RBFOX1: variants seen among roughly 807,000 people sequenced by gnomAD.
RBFOX1 encodes RNA binding fox-1 homolog 1, also known as RNA binding protein fox-1 homolog 1.
Under a neutral mutation model 57.7 loss-of-function variants are expected in RBFOX1, and 8 were observed. The observed-to-expected ratio is 0.14, with a 90% CI of 0.08 to 0.25. The LOEUF is 0.25. Among genes scored for constraint, RBFOX1 ranks in the 10% least tolerant of loss-of-function variants. The pLI is 1.00. For missense variants in RBFOX1, 611 were observed against 548.5 expected, an observed-to-expected ratio of 1.11 and a Z score of -1.14; for synonymous variants, 326 against 222.4, an observed-to-expected ratio of 1.47 and a Z score of -4.15.
At chr16:6,741,600 T>A (rs73543683) in intron 3 of RBFOX1, among the ~76,000 whole-genome samples, 13,423 of 147,440 alleles carry the variant, frequency 0.091, 725 homozygotes, top group East Asian at 0.17. Flanking sequence ...ACTGCGGAGG[T>A]GGAGGTTGCG....
At chr16:6,932,944 C>T (rs893643554) in intron 3 of RBFOX1, among the ~76,000 whole-genome samples, 1 of 152,168 alleles carries the variant, frequency 6.6e-6, no homozygotes, top group African/African-American at 2.4e-5. Context: ...TCCTTTCTGT[C>T]TTTATGAACT....
At chr16:7,396,459 T>C (rs1267752981) in intron 4 of RBFOX1, among the ~76,000 whole-genome samples, 1 of 151,810 alleles carries the variant, frequency 6.6e-6, no homozygotes, top group African/African-American at 2.4e-5. Context: ...AGGTTTTTAT[T>C]GCCATTTCTG....
intron 4 of RBFOX1, among the ~76,000 whole-genome samples, chr16:7,375,690 A>G (rs1268200810): frequency 6.6e-6 from 1 of 152,118 alleles, no homozygotes; most frequent in Non-Finnish European, 1.5e-5. Flanking sequence ...TTGTTTTAGT[A>G]AAGTTTGTCC....
At chr16:7,092,716 A>C (rs1338740996) in intron 4 of RBFOX1, among the ~76,000 whole-genome samples, 2 of 152,174 alleles carry the variant, frequency 1.3e-5, no homozygotes, top group Non-Finnish European at 2.9e-5. Context: ...AGTTAAGTTA[A>C]AAGTATGTTA....
chr16:7,059,502 G>T (rs1342513030), intron 4 of RBFOX1, among the ~76,000 whole-genome samples: 2 of 152,200 alleles, frequency 1.3e-5, no homozygotes, highest in Non-Finnish European at 2.9e-5. Context: ...TCACAGCCTA[G>T]TGGAAAAGAC....
chr16:6,773,184 G>T lies in RBFOX1; in HGVS notation c.-16+118534G>T, dbSNP rs111072591. Reference sequence around the variant, plus strand: ...GTGGGGTGCATTTGTGTGTGTGTGTGTGGGCATGGGGTGCATTTGTGTGTG... The same window carrying T: ...GTGGGGTGCATTTGTGTGTGTGTGTTTGGGCATGGGGTGCATTTGTGTGTG... On this transcript the variant is annotated intron_variant, in intron 3 of 15. Coordinates refer to ENST00000550418, the MANE Select transcript of RBFOX1 (RefSeq NM_018723.4). 8.4e-5 allele frequency among the ~76,000 whole-genome samples: 8 copies of T among 94,840 alleles called. No homozygotes were observed. In the South Asian group the frequency reaches 1.5e-3, roughly 18 times the overall value. The allele number at this position is 94,840 out of a possible 152,430, so 62.2% of individuals were successfully genotyped here. A position where few individuals can be genotyped will look rare whatever the true frequency, so the allele number is the denominator to read the frequency against.
intron 3 of RBFOX1, among the ~76,000 whole-genome samples, chr16:6,914,887 A>G (rs1469010232): frequency 1.3e-5 from 2 of 152,216 alleles, no homozygotes; most frequent in Non-Finnish European, 2.9e-5. Context: ...GACCCTCTCA[A>G]AAACAAAACA....
In RBFOX1 at chr16:6,663,301, C is replaced by T. The variant is rs188795272; in HGVS notation, c.-16+8651C>T. On this transcript the variant is annotated intron_variant, in intron 3 of 15. Transcript: ENST00000550418. ...AGCTTAAGTATTTGTATATAGTTTGCTGCCGTGAGGAAGAAGAAAGGAGTT... is the reference window on the plus strand; with the variant it reads ...AGCTTAAGTATTTGTATATAGTTTGTTGCCGTGAGGAAGAAGAAAGGAGTT... Among the ~76,000 whole-genome samples the T allele has an allele frequency of 5.8e-4, 89 of 152,278 alleles. 1 individual carries two copies. Among genetic ancestry groups the T allele is most frequent in the Admixed American group, 2.2e-3 (34 of 15,296 alleles).
intron 3 of RBFOX1, among the ~76,000 whole-genome samples, chr16:6,985,508 C>G (rs74888164): frequency 0.068 from 10,280 of 152,090 alleles, 422 homozygotes; most frequent in South Asian, 0.17. Context: ...CTAAAGAACA[C>G]TATGTGTGGA....
chr16:6,486,116 T>C (rs1233495512), intron 2 of RBFOX1, among the ~76,000 whole-genome samples: 1 of 134,272 alleles, frequency 7.4e-6, no homozygotes, highest in Non-Finnish European at 1.6e-5. Context: ...TTGGCATTGA[T>C]TGCCTTCCTA....
At chr16:7,255,681 G>A (rs2094648588) in intron 4 of RBFOX1, among the ~76,000 whole-genome samples, 1 of 151,630 alleles carries the variant, frequency 6.6e-6, no homozygotes, top group Non-Finnish European at 1.5e-5. Context: ...TTTTTTTAGT[G>A]GTTGAATTAA....
At chr16:6,991,398 A>T (rs569302284) in intron 3 of RBFOX1, among the ~76,000 whole-genome samples, 2 of 152,334 alleles carry the variant, frequency 1.3e-5, no homozygotes, top group African/African-American at 4.8e-5. Context: ...AATAAGCAAC[A>T]TTCCGTTTGG....
At chr16:6,425,093 A>T (rs2093886474) in intron 2 of RBFOX1, among the ~76,000 whole-genome samples, 1 of 152,202 alleles carries the variant, frequency 6.6e-6, no homozygotes, top group Non-Finnish European at 1.5e-5. Flanking sequence ...ATTTGACTTT[A>T]ATAATAAGGA....
chr16:5,556,024 A>C (rs113863011), intron 2 of RBFOX1, among the ~76,000 whole-genome samples: 21 of 152,028 alleles, frequency 1.4e-4, no homozygotes, highest in African/African-American at 2.7e-4. Flanking sequence ...CTGTCTCAAA[A>C]AAACAAACAA....
intron 4 of RBFOX1, among the ~76,000 whole-genome samples, chr16:6,003,762 G>C (rs1323671782): frequency 1.3e-5 from 2 of 152,192 alleles, no homozygotes; most frequent in African/African-American, 4.8e-5. Context: ...CTAAGCCAGG[G>C]TCTCAATCTC....
intron 3 of RBFOX1, among the ~76,000 whole-genome samples, chr16:6,859,479 C>A (rs895463340): frequency 6.6e-6 from 1 of 151,958 alleles, no homozygotes; most frequent in Non-Finnish European, 1.5e-5. Flanking sequence ...GTTGCTCACT[C>A]TTGTTCAAGT....
At chr16:5,273,941 C>T (rs757180478) in intron 1 of RBFOX1, among the ~76,000 whole-genome samples, 4 of 152,092 alleles carry the variant, frequency 2.6e-5, no homozygotes, top group Admixed American at 6.6e-5. Context: ...TCCAGGGACT[C>T]GAGCAGATTT....
chr16:5,269,663 C>G (rs1183082186), intron 1 of RBFOX1, among the ~76,000 whole-genome samples: 1 of 151,962 alleles, frequency 6.6e-6, no homozygotes, highest in East Asian at 1.9e-4. Flanking sequence ...AGTGGTTGCT[C>G]AGGGTTGGTA....
At chr16:6,503,842 G>A (rs754574415) in intron 2 of RBFOX1, among the ~76,000 whole-genome samples, 5 of 152,130 alleles carry the variant, frequency 3.3e-5, no homozygotes, top group African/African-American at 7.2e-5. Context: ...TAAGTTTGTG[G>A]CCATTGTTTG....
Sources: gnomAD v4.1 joint callset for allele counts (sites outside exome capture counted in the v4.1 genomes callset) on GRCh38, gnomAD v4.1.1 for gene constraint, MANE v1.5 for transcripts, NCBI Gene and HGNC (gene_info 2026-07-23, HGNC 2026-07-21) for gene names.